Variants in RELN observed in about 807,000 individuals in gnomAD.
RELN encodes reelin.
RELN carries 108 observed loss-of-function variants against 427.6 expected under a neutral mutation model. That is an observed-to-expected ratio of 0.25 (90% confidence interval 0.22 to 0.30). The LOEUF (loss-of-function observed/expected upper bound fraction) is 0.30. Ranked by LOEUF, RELN falls within the 10% of genes least tolerant of loss-of-function variation. RELN has a pLI of 1.00. For synonymous variants in RELN, 1,524 were observed against 1,513.4 expected (o/e 1.01, Z -0.16); for missense variants, 3,715 against 4,302.8 (o/e 0.86, Z 3.82).
intron 10 of RELN, among the ~76,000 whole-genome samples, chr7:103,690,449 C>T (rs1833850881): frequency 6.6e-6 from 1 of 152,124 alleles, no homozygotes; most frequent in African/African-American, 2.4e-5. Flanking sequence ...AACCACATGA[C>T]AGAGGCCCTG....
chr7:103,474,806 G>GAAA (rs57064398), intron 64 of RELN, among the ~76,000 whole-genome samples: 2,022 of 135,656 alleles, frequency 0.015, 48 homozygotes, highest in African/African-American at 0.051. Flanking sequence ...TTCCTTTTAT[G>GAAA]AAAAAAAAAA....
Position 103,988,982 on chromosome 7 carries a change from A to T in RELN, c.226+149T>A. On this transcript the variant is annotated intron_variant, in intron 1 of 64. Coordinates refer to ENST00000428762, the MANE Select transcript of RELN (RefSeq NM_005045.4). This position sits in a 1 kb window ranked among gnomAD's most constrained non-coding sequence, Gnocchi z 4.9. ...TGTGACTCCATTCTCCACTAACTTT[A>T]TTCTCGCTCCCTGGACCAAGCGCAT... The T allele has an allele frequency of 1.4e-6, 1 of 690,726 alleles. No individual in the cohort carries two copies. Among genetic ancestry groups the T allele is most frequent in the Non-Finnish European group, 2.5e-6 (1 of 395,604 alleles). 42.8% of individuals were successfully genotyped at this position (690,726 alleles called of 1,614,324 possible). A position where few individuals can be genotyped will look rare whatever the true frequency, so the allele number is the denominator to read the frequency against.
At chr7:103,769,627 C>G (rs1041864162) in intron 4 of RELN, among the ~76,000 whole-genome samples, 1 of 152,208 alleles carries the variant, frequency 6.6e-6, no homozygotes, top group Non-Finnish European at 1.5e-5. Flanking sequence ...ATCATGCCCA[C>G]TAGCATTCTC....
rs757733226 is a variant in RELN, at chr7:103,573,590, A to G, written c.4511+502T>C. Among the ~76,000 whole-genome samples the G allele has an allele frequency of 6.6e-6, 1 of 152,174 alleles. No individual in the cohort carries two copies. Among genetic ancestry groups the G allele is most frequent in the Non-Finnish European group, 1.5e-5 (1 of 68,012 alleles). ...AATTGCTCTTTTAAAAAGCAGTTTT[A>G]TTTTAGGTGTGCTATTATTTCATTT... On this transcript the variant is annotated intron_variant, in intron 30 of 64. Transcript: ENST00000428762. The surrounding 1 kb of genome is among the most constrained non-coding windows in gnomAD (Gnocchi z 4.4).
intron 31 of RELN, among the ~76,000 whole-genome samples, chr7:103,571,702 A>C (rs921623190): frequency 6.6e-6 from 1 of 152,208 alleles, no homozygotes; most frequent in African/African-American, 2.4e-5. Context: ...TCTTGCATAT[A>C]ATAAGTCTCA....
chr7:103,472,249 GA>G lies in RELN; in HGVS notation c.*562del, dbSNP rs1229137694. On this transcript the variant is annotated 3_prime_UTR_variant, in exon 65 of 65. Transcript: ENST00000428762. ...ACAATATCTTTACAACTATCTTCTT[GA>G]ATAGGTATTTCAATTAATTTTCTGC... 1 of 160,344 alleles carries G rather than the reference GA, an allele frequency of 6.2e-6. No homozygotes were observed. Among genetic ancestry groups the G allele is most frequent in the East Asian group, 1.8e-4 (1 of 5,602 alleles). 9.9% of individuals were successfully genotyped at this position (160,344 alleles called of 1,614,324 possible). A position where few individuals can be genotyped will look rare whatever the true frequency, so the allele number is the denominator to read the frequency against.
chr7:103,785,560 C>T (rs567117434), intron 3 of RELN, among the ~76,000 whole-genome samples: 1 of 152,246 alleles, frequency 6.6e-6, no homozygotes, highest in East Asian at 1.9e-4. Flanking sequence ...CACTTAACTT[C>T]TGTGTGTCTT....
chr7:103,488,457 G>A (rs983613630), intron 60 of RELN, among the ~76,000 whole-genome samples: 7 of 152,238 alleles, frequency 4.6e-5, no homozygotes, highest in Admixed American at 3.3e-4. Context: ...AGACCCAGCC[G>A]GTCTCAGTGA....
intron 19 of RELN, among the ~76,000 whole-genome samples, chr7:103,632,702 G>A (rs999504774): frequency 1.3e-5 from 2 of 151,954 alleles, no homozygotes; most frequent in East Asian, 1.9e-4. Context: ...TTTGTTTGTA[G>A]GTCCTAACCT....
Position 103,540,446 on chromosome 7 carries a change from C to T in RELN, c.6681G>A (p.Gln2227=), listed in dbSNP as rs779678051. 8.7e-6 allele frequency: 14 copies of T among 1,613,766 alleles called. No homozygotes were observed. Among genetic ancestry groups the T allele is most frequent in the Non-Finnish European group, 1.1e-5 (13 of 1,180,020 alleles). Residue 2227 remains glutamine, a synonymous_variant, in exon 44 of 65, where the codon CAG becomes CAA. Transcript: ENST00000428762. ...DLDLSHARFV[Q]FFMRLGCGKG... ...TACCACATCCCAGTCTCATGAAGAA[C>T]TGCACAAATCTGACATTTGTAAACG...
chr7:103,515,692 T>C (rs2117077302), intron 49 of RELN, among the ~76,000 whole-genome samples: 1 of 152,358 alleles, frequency 6.6e-6, no homozygotes, highest in South Asian at 2.1e-4. Context: ...GTTCTGTCTC[T>C]GGGCAGGCTT....
intron 28 of RELN, among the ~76,000 whole-genome samples, chr7:103,585,291 A>C (rs969084650): frequency 6.6e-6 from 1 of 152,162 alleles, no homozygotes; most frequent in African/African-American, 2.4e-5. Context: ...AAAAGATAAC[A>C]AAGTTGATAG....
At chr7:103,493,556 T>A (rs1333408723) in intron 57 of RELN, among the ~76,000 whole-genome samples, 1 of 152,182 alleles carries the variant, frequency 6.6e-6, no homozygotes, top group Non-Finnish European at 1.5e-5. Context: ...CTTCAAGATA[T>A]GATTCTTGAA....
intron 4 of RELN, among the ~76,000 whole-genome samples, chr7:103,770,124 G>A (rs369592942): frequency 3.3e-5 from 5 of 151,724 alleles, no homozygotes; most frequent in Admixed American, 1.3e-4. Flanking sequence ...TCACTCTATC[G>A]CCTAGGCTGG....
intron 2 of RELN, among the ~76,000 whole-genome samples, chr7:103,836,187 G>A (rs967102944): frequency 2.9e-4 from 44 of 151,964 alleles, no homozygotes; most frequent in African/African-American, 9.4e-4. Context: ...GGCTGGTTTT[G>A]GACCACAAGT....
At chr7:103,648,385 G>A (rs1297723658) in intron 16 of RELN, among the ~76,000 whole-genome samples, 1 of 152,054 alleles carries the variant, frequency 6.6e-6, no homozygotes, top group South Asian at 2.1e-4. Context: ...TCCTAGCCAT[G>A]CTTTCTGTAC....
At chr7:103,548,915 T>G (rs566497137) in intron 41 of RELN, among the ~76,000 whole-genome samples, 32 of 152,354 alleles carry the variant, frequency 2.1e-4, no homozygotes, top group African/African-American at 7.7e-4. Context: ...TTCATACGCC[T>G]TTAGATGGGA....
Position 103,609,177 on chromosome 7 carries a change from C to T in RELN, c.3008+1518G>A, listed in dbSNP as rs1030440735. ...AATGAAGGCTGCAATGAGCCAAGGT[C>T]GCGCCACTGCACTCCAGCCTGGGTG... is the stretch of plus-strand genomic sequence containing the variant. On this transcript the variant is annotated intron_variant, in intron 22 of 64. Transcript: ENST00000428762. Among the ~76,000 whole-genome samples the T allele has an allele frequency of 5.4e-5, 8 of 146,880 alleles. 1 individual carries two copies. Among genetic ancestry groups the T allele is most frequent in the Admixed American group, 2.1e-4 (3 of 14,450 alleles).
At chr7:103,845,641 T>C (rs950065173) in intron 2 of RELN, among the ~76,000 whole-genome samples, 4 of 152,210 alleles carry the variant, frequency 2.6e-5, no homozygotes, top group African/African-American at 4.8e-5. Flanking sequence ...TTTCCCCATG[T>C]AATTTTTTTA....
Sources: gnomAD v4.1 joint callset for allele counts (sites outside exome capture counted in the v4.1 genomes callset) on GRCh38, gnomAD v4.1.1 for gene constraint, Gnocchi (gnomAD v3.1) non-coding constraint, MANE v1.5 for transcripts, NCBI Gene and HGNC (gene_info 2026-07-23, HGNC 2026-07-21) for gene names.